CASTOR2: variants seen among roughly 807,000 people sequenced by gnomAD.
The protein encoded by CASTOR2 is GATS protein like 2.
CASTOR2 carries 8 observed loss-of-function variants against 31.2 expected under a neutral mutation model. The observed-to-expected ratio is 0.26, with a 90% CI of 0.15 to 0.46. CASTOR2 has a LOEUF of 0.46. CASTOR2 is among the 20% of genes least tolerant of loss of function. The pLI, the probability that CASTOR2 is intolerant of heterozygous loss-of-function variation, is 0.99. For missense variants in CASTOR2, 216 were observed against 382.1 expected (o/e 0.57, Z 3.62); for synonymous variants, 162 against 158.7 (o/e 1.02, Z -0.16).
chr7:75,008,488 G>A (rs1349035136), intron 2 of CASTOR2, among the ~76,000 whole-genome samples: 4 of 152,134 alleles, frequency 2.6e-5, no homozygotes, highest in African/African-American at 9.7e-5. Flanking sequence ...TTGAGCCCAG[G>A]AGTTTGAGAC....
intron 1 of CASTOR2, among the ~76,000 whole-genome samples, chr7:75,007,340 G>A (rs1804630282): frequency 6.6e-6 from 1 of 152,098 alleles, no homozygotes; most frequent in South Asian, 2.1e-4. Context: ...CCCTGTTTTT[G>A]GAGAATAGAT....
At position 75,018,224 on chromosome 7, in the gene CASTOR2, A is replaced by G; in HGVS notation, c.511+102A>G. 1.9e-6 allele frequency: 3 copies of G among 1,543,800 alleles called. No homozygotes were observed. The South Asian group carries it at 3.6e-5, about 18-fold the overall frequency. On this transcript the variant is annotated intron_variant, in intron 4 of 8. Coordinates refer to ENST00000616305, the MANE Select transcript of CASTOR2 (RefSeq NM_001145064.3). ...CAGCACGGGCTTCTGCCCACTGAGC[A>G]TGAATGGAGTGCCAGGCAGAACGGG...
intron 1 of CASTOR2, among the ~76,000 whole-genome samples, chr7:74,981,945 G>GTA (rs1469298837): frequency 9.3e-6 from 1 of 107,570 alleles, no homozygotes; most frequent in Non-Finnish European, 1.9e-5. Context: ...GTGCACACCT[G>GTA]TAGCCCCAGC....
At position 75,017,638 on chromosome 7, in the gene CASTOR2, C is replaced by T. The variant is rs1373930991; in HGVS notation, c.225C>T (p.Thr75=). The change falls in exon 3 of 9, where the codon ACC becomes ACT. Residue 75 remains threonine, a synonymous_variant. Coordinates refer to ENST00000616305, the MANE Select transcript of CASTOR2 (RefSeq NM_001145064.3). ...AGCACCTGAGTGTGGCAGATGCCAC[C>T]TGGCTGGCCCTGAACGTGGTGTCCG... is the stretch of plus-strand genomic sequence containing the variant. ...SSEHLSVADA[T]WLALNVVSGG... 3.1e-6 allele frequency: 5 copies of T among 1,613,918 alleles called. No individual in the cohort carries two copies. The highest frequency in any genetic ancestry group is 1.6e-4 in the Middle Eastern group (1 of 6,078).
Position 75,024,902 on chromosome 7 carries a change from G to GC in CASTOR2, c.*209dup. ...CTCCATGCCCTCCTGCCTTCCCGGA[G>GC]CCCCCCGACCCTCCAGAGAACGACC... On this transcript the variant is annotated 3_prime_UTR_variant, in exon 9 of 9. Transcript: ENST00000616305. 1.5e-6 allele frequency: 2 copies of GC among 1,296,228 alleles called. No homozygotes were observed. Among genetic ancestry groups the GC allele is most frequent in the Non-Finnish European group, 2.1e-6 (2 of 938,290 alleles). The allele number at this position is 1,296,228 out of a possible 1,614,324, so 80.3% of individuals were successfully genotyped here. A position where few individuals can be genotyped will look rare whatever the true frequency, so the allele number is the denominator to read the frequency against.
chr7:74,986,897 T>G (rs1236979480), intron 1 of CASTOR2, among the ~76,000 whole-genome samples: 5 of 151,612 alleles, frequency 3.3e-5, no homozygotes, highest in Admixed American at 3.3e-4. Flanking sequence ...ATTTTTTAAA[T>G]TTTTAAAAAT....
intron 2 of CASTOR2, among the ~76,000 whole-genome samples, chr7:75,009,510 C>A (rs1364599228): frequency 2.0e-5 from 3 of 151,984 alleles, no homozygotes; most frequent in Non-Finnish European, 2.9e-5. Context: ...CCTCGTGATC[C>A]ACCCACCTCG....
In CASTOR2 at chr7:75,027,805, G is replaced by C. The variant is rs981556076; in HGVS notation, c.*3106G>C. 4 of 603,554 alleles carry C rather than the reference G, an allele frequency of 6.6e-6. No individual in the cohort carries two copies. Among genetic ancestry groups the C allele is most frequent in the Non-Finnish European group, 1.2e-5 (4 of 339,052 alleles). The allele number at this position is 603,554 out of a possible 1,614,324, so 37.4% of individuals were successfully genotyped here. Reference sequence around the variant, plus strand: ...TTATCTTCTCGGCGTTCTGTGTGTAGCGTAGTCTTGGTTTGGTCTCCACAG... The same window carrying C: ...TTATCTTCTCGGCGTTCTGTGTGTACCGTAGTCTTGGTTTGGTCTCCACAG... On this transcript the variant is annotated 3_prime_UTR_variant, in exon 9 of 9. Coordinates refer to ENST00000616305, the MANE Select transcript of CASTOR2 (RefSeq NM_001145064.3).
At chr7:74,976,078 A>G (rs1392563354) in intron 1 of CASTOR2, among the ~76,000 whole-genome samples, 1 of 132,890 alleles carries the variant, frequency 7.5e-6, no homozygotes, top group African/African-American at 2.8e-5. Context: ...CCTAACCCAT[A>G]GGAACTGTGA....
At chr7:74,977,930 C>G (rs1554435931) in intron 1 of CASTOR2, among the ~76,000 whole-genome samples, 2 of 150,464 alleles carry the variant, frequency 1.3e-5, no homozygotes, top group African/African-American at 4.9e-5. Context: ...CCTCCTGCCT[C>G]AGCCTTCCAA....
intron 7 of CASTOR2, 21 bp from the exon 8 acceptor site, chr7:75,024,419 G>T: frequency 1.9e-6 from 3 of 1,551,514 alleles, no homozygotes; most frequent in Non-Finnish European, 2.6e-6. Context: ...CAGAGGCTAA[G>T]GACGGTCTCT....
rs1805168764 is a variant in CASTOR2, at chr7:75,027,469, C to G, written c.*2770C>G. ...TGAATGGGCCACACGCTGCCTGTGT[C>G]CTGCCTCCGTGGGTGGCACTTTTTA... On this transcript the variant is annotated 3_prime_UTR_variant, in exon 9 of 9. Transcript: ENST00000616305. 6.3e-6 allele frequency: 1 copy of G among 158,714 alleles called. No homozygotes were observed. The highest frequency in any genetic ancestry group is 1.4e-5 in the Non-Finnish European group (1 of 71,396). 9.8% of individuals were successfully genotyped at this position (158,714 alleles called of 1,614,324 possible).
Position 75,030,859 on chromosome 7 carries a change from G to A in CASTOR2, c.*6160G>A, listed in dbSNP as rs1805283309. On this transcript the variant is annotated 3_prime_UTR_variant, in exon 9 of 9. Coordinates refer to ENST00000616305, the MANE Select transcript of CASTOR2 (RefSeq NM_001145064.3). ...AAAGGCATCCCATCCTGCAGATGGT[G>A]TTCACAGGGAGAGTTTGTGGGGGCC... is the stretch of plus-strand genomic sequence containing the variant. 6.6e-6 allele frequency among the ~76,000 whole-genome samples: 1 copy of A among 152,188 alleles called. No homozygotes were observed. Among genetic ancestry groups the A allele is most frequent in the African/African-American group, 2.4e-5 (1 of 41,458 alleles).
chr7:74,998,600 CAAAA>C (rs1159460301), intron 1 of CASTOR2, among the ~76,000 whole-genome samples: 7 of 120,076 alleles, frequency 5.8e-5, no homozygotes, highest in Non-Finnish European at 8.7e-5. Flanking sequence ...GACTCCATCT[CAAAA>C]AAAAAAAAAA....
In CASTOR2 at chr7:75,017,577, G is replaced by A. The variant is rs1232978692; in HGVS notation, c.185-21G>A. 3.1e-6 allele frequency: 5 copies of A among 1,612,548 alleles called. No homozygotes were observed. The East Asian group carries it at 8.9e-5, about 29-fold the overall frequency. The stretch of plus-strand genomic sequence containing the variant: ...CTGGAACCTCAGCAGTCACAGGACT[G>A]CCTTCTGTGTCTCCCTCCAGAGCTG... On this transcript the variant is annotated intron_variant, in intron 2 of 8. Transcript: ENST00000616305.
At chr7:75,001,353 C>T (rs1267916851) in intron 1 of CASTOR2, among the ~76,000 whole-genome samples, 1 of 152,200 alleles carries the variant, frequency 6.6e-6, no homozygotes, top group African/African-American at 2.4e-5. Flanking sequence ...GCTGAGATTA[C>T]AGATGTGAGC....
chr7:74,994,622 C>T (rs1804295253), intron 1 of CASTOR2, among the ~76,000 whole-genome samples: 3 of 151,970 alleles, frequency 2.0e-5, no homozygotes, highest in South Asian at 2.1e-4. Context: ...TGGTGGCAGG[C>T]GCCTGTAATC....
intron 2 of CASTOR2, among the ~76,000 whole-genome samples, chr7:75,008,968 T>C (rs1426512531): frequency 1.3e-5 from 2 of 152,086 alleles, no homozygotes; most frequent in Admixed American, 6.6e-5. Context: ...TTTTTGTTTT[T>C]TGTTTTGAGA....
At chr7:75,017,307 C>T (rs1458857645) in intron 2 of CASTOR2, among the ~76,000 whole-genome samples, 1 of 151,938 alleles carries the variant, frequency 6.6e-6, no homozygotes, top group Non-Finnish European at 1.5e-5. Flanking sequence ...ATTAGCTGGG[C>T]GTGGTGGCAT....
Sources: gnomAD v4.1 joint callset for allele counts (sites outside exome capture counted in the v4.1 genomes callset) on GRCh38, gnomAD v4.1.1 for gene constraint, MANE v1.5 for transcripts, NCBI Gene and HGNC (gene_info 2026-07-23, HGNC 2026-07-21) for gene names.